The following ADAM10 variants were observed in gnomAD, a reference collection of about 807,000 sequenced individuals.
The protein encoded by ADAM10 is ADAM metallopeptidase domain 10.
A neutral mutation model predicts 90.1 loss-of-function variants in ADAM10; 17 were observed. The observed-to-expected ratio is 0.19, with a 90% CI of 0.13 to 0.28. The LOEUF is 0.28. Ranked by LOEUF, ADAM10 falls within the 10% of genes least tolerant of loss-of-function variation. The pLI is 1.00. For synonymous variants in ADAM10, 310 were observed against 298.6 expected, an observed-to-expected ratio of 1.04 and a Z score of -0.40; for missense variants, 610 against 914.3, an observed-to-expected ratio of 0.67 and a Z score of 4.29.
At position 58,597,370 on chromosome 15, in the gene ADAM10, T is replaced by A. The variant is rs199709319; in HGVS notation, c.*177A>T. 7 of 1,543,164 alleles carry A rather than the reference T, an allele frequency of 4.5e-6. No homozygotes were observed. Among genetic ancestry groups the A allele is most frequent in the Non-Finnish European group, 6.1e-6 (7 of 1,143,698 alleles). On this transcript the variant is annotated 3_prime_UTR_variant, in exon 16 of 16. Coordinates refer to ENST00000260408, the MANE Select transcript of ADAM10 (RefSeq NM_001110.4). Reference sequence around the variant, plus strand: ...TCCACCTCCCACCCCCAAATTGGAATTTTCAGGCTTTAAAATTTAAGTAAT... The same window carrying A: ...TCCACCTCCCACCCCCAAATTGGAAATTTCAGGCTTTAAAATTTAAGTAAT...
At position 58,596,982 on chromosome 15, in the gene ADAM10, T is replaced by C. The variant is rs1179313204; in HGVS notation, c.*565A>G. The C allele has an allele frequency of 1.2e-5, 2 of 170,030 alleles. No individual in the cohort carries two copies. The highest frequency in any genetic ancestry group is 2.4e-5 in the African/African-American group (1 of 41,582). The allele number at this position is 170,030 out of a possible 1,614,324, so 10.5% of individuals were successfully genotyped here. ...TATCCTGAGTATGTCAATTAAACAG[T>C]AATTTTTAATTAAGAGCGGAAAAAT... On this transcript the variant is annotated 3_prime_UTR_variant, in exon 16 of 16. Coordinates refer to ENST00000260408, the MANE Select transcript of ADAM10 (RefSeq NM_001110.4).
intron 1 of ADAM10, among the ~76,000 whole-genome samples, chr15:58,740,437 A>G (rs1239476582): frequency 3.9e-5 from 6 of 152,106 alleles, no homozygotes; most frequent in African/African-American, 1.4e-4. Flanking sequence ...AAGAACAGCA[A>G]TATCTATAAA....
In ADAM10 at chr15:58,700,239, T is replaced by C. The variant is rs139076596; in HGVS notation, c.206+17338A>G. Among the ~76,000 whole-genome samples, 1,511 of 152,288 alleles carry C rather than the reference T, an allele frequency of 9.9e-3. 25 individuals are homozygous for C. Among genetic ancestry groups the C allele is most frequent in the African/African-American group, 0.034 (1,415 of 41,552 alleles). On this transcript the variant is annotated intron_variant, in intron 2 of 15. Transcript: ENST00000260408. ...GATTTAAACTGCACATTGGACCAAA[T>C]AGGCCTAAAAGACATTTACAGATTT...
chr15:58,749,370 C>A (rs1322185860), intron 1 of ADAM10, 110 bp downstream of exon 1: 33 of 1,211,858 alleles, frequency 2.7e-5, no homozygotes, highest in Non-Finnish European at 3.4e-5. Context: ...GCGCCGCTGG[C>A]CGGCTGGGCT....
intron 1 of ADAM10, among the ~76,000 whole-genome samples, chr15:58,741,074 G>A (rs183510696): frequency 6.6e-6 from 1 of 152,140 alleles, no homozygotes; most frequent in African/African-American, 2.4e-5. Context: ...AAATCATAGA[G>A]AATTCTATGT....
chr15:58,707,382 T>TAA (rs11315040), intron 2 of ADAM10: 2 of 139,404 alleles, frequency 1.4e-5, no homozygotes, highest in Non-Finnish European at 3.1e-5. Context: ...AGACTCCATC[T>TAA]AAAAAAAAAA....
chr15:58,622,472 G>A (rs1359602925), intron 10 of ADAM10, among the ~76,000 whole-genome samples: 1 of 152,042 alleles, frequency 6.6e-6, no homozygotes, highest in East Asian at 1.9e-4. Flanking sequence ...TTACACCATT[G>A]ATCTGTTAAA....
At chr15:58,629,830 T>C (rs1348351246) in intron 9 of ADAM10, among the ~76,000 whole-genome samples, 2 of 152,040 alleles carry the variant, frequency 1.3e-5, no homozygotes, top group Non-Finnish European at 2.9e-5. Context: ...TGGAGTGTAG[T>C]GGCGTGATCC....
chr15:58,706,471 T>G (rs756987822), intron 2 of ADAM10, among the ~76,000 whole-genome samples: 3 of 152,208 alleles, frequency 2.0e-5, no homozygotes, highest in Non-Finnish European at 4.4e-5. Flanking sequence ...TCCATTCAAA[T>G]TATTTTTTAA....
At chr15:58,713,100 G>A (rs1898529565) in intron 2 of ADAM10, among the ~76,000 whole-genome samples, 1 of 152,042 alleles carries the variant, frequency 6.6e-6, no homozygotes, top group African/African-American at 2.4e-5. Context: ...ATGTTTTGTT[G>A]GTGGTGTTTT....
intron 2 of ADAM10, among the ~76,000 whole-genome samples, chr15:58,699,280 C>T (rs1475385841): frequency 2.0e-5 from 3 of 152,062 alleles, no homozygotes; most frequent in Admixed American, 2.0e-4. Flanking sequence ...ACCAACTGTA[C>T]AAGAAATGCT....
chr15:58,705,001 G>A (rs1898238954), intron 2 of ADAM10, among the ~76,000 whole-genome samples: 1 of 152,120 alleles, frequency 6.6e-6, no homozygotes, highest in Non-Finnish European at 1.5e-5. Flanking sequence ...GCAAGTCTTT[G>A]AAAACTGAAC....
At chr15:58,693,013 G>A (rs748081797) in intron 2 of ADAM10, 6 of 781,202 alleles carry the variant, frequency 7.7e-6, no homozygotes, top group South Asian at 6.7e-5. Context: ...CAACTTGGAA[G>A]GGTCTGTCAG....
rs552748001 is a variant in ADAM10 at position 58,596,364 on chromosome 15, A to T, written c.*1183T>A. 6.5e-6 allele frequency: 1 copy of T among 152,732 alleles called. No individual in the cohort carries two copies. Among genetic ancestry groups the T allele is most frequent in the Admixed American group, 6.5e-5 (1 of 15,288 alleles). The allele number at this position is 152,732 out of a possible 1,614,324, so 9.5% of individuals were successfully genotyped here. ...GTTTCAAAAATAAATTTGGAATGGG[A>T]CATTGTGCTGTTTCACCTTCAATGC... On this transcript the variant is annotated 3_prime_UTR_variant, in exon 16 of 16. Transcript: ENST00000260408.
intron 10 of ADAM10, among the ~76,000 whole-genome samples, chr15:58,625,400 GA>G (rs1895907910): frequency 6.6e-6 from 1 of 152,134 alleles, no homozygotes; most frequent in African/African-American, 2.4e-5. Context: ...ATAAGTACAT[GA>G]AAAGATGTTC....
At chr15:58,609,087 C>T (rs1895362208) in intron 14 of ADAM10, 1 of 152,086 alleles carries the variant, frequency 6.6e-6, no homozygotes, top group Admixed American at 6.6e-5. Context: ...TTGATAAACA[C>T]CAGAAAGATT....
At chr15:58,659,403 T>G (rs1027498307) in intron 5 of ADAM10, among the ~76,000 whole-genome samples, 1 of 152,184 alleles carries the variant, frequency 6.6e-6, no homozygotes, top group Non-Finnish European at 1.5e-5. Context: ...CTTCCTTCTA[T>G]TTTTAGTTTG....
At chr15:58,695,213 C>T (rs537746395) in intron 2 of ADAM10, among the ~76,000 whole-genome samples, 37 of 152,296 alleles carry the variant, frequency 2.4e-4, no homozygotes, top group Middle Eastern at 3.4e-3. Context: ...GAACTCCAGG[C>T]TTTCTACTTA....
At chr15:58,614,707 C>A (rs1169971478) in intron 11 of ADAM10, among the ~76,000 whole-genome samples, 1 of 152,120 alleles carries the variant, frequency 6.6e-6, no homozygotes, top group Non-Finnish European at 1.5e-5. Context: ...GGAAATTCAT[C>A]ACCACTAGAC....
Sources: gnomAD v4.1 joint callset for allele counts (sites outside exome capture counted in the v4.1 genomes callset) on GRCh38, gnomAD v4.1.1 for gene constraint, MANE v1.5 for transcripts, NCBI Gene and HGNC (gene_info 2026-07-23, HGNC 2026-07-21) for gene names.